Variants in CES5A observed in about 807,000 individuals in gnomAD.
The protein encoded by CES5A is carboxylesterase 5.
In CES5A, 67 loss-of-function variants were observed where a neutral mutation model predicts 62.9. The ratio of observed to expected loss-of-function variants is 1.07; its 90% CI spans 0.88 to 1.31. CES5A has a LOEUF of 1.31. Ranked by LOEUF, CES5A falls within the 50% of genes most tolerant of loss-of-function variation. The pLI, the probability that CES5A is intolerant of heterozygous loss-of-function variation, is 0.00. For synonymous variants in CES5A, 296 were observed against 280.8 expected (o/e 1.05, Z -0.54); for missense variants, 748 against 708.5 (o/e 1.06, Z -0.63).
At chr16:55,900,429 G>C (rs1236884151) in intron 1 of CES5A, among the ~76,000 whole-genome samples, 4 of 152,188 alleles carry the variant, frequency 2.6e-5, no homozygotes, top group African/African-American at 4.8e-5. Context: ...GAAAGACAAG[G>C]CTTTCCTCTC....
intron 2 of CES5A, among the ~76,000 whole-genome samples, chr16:55,938,270 T>G (rs2142475783): frequency 6.6e-6 from 1 of 152,282 alleles, no homozygotes; most frequent in East Asian, 1.9e-4. Flanking sequence ...GATGCAGACT[T>G]GCAAACATGC....
chr16:55,916,295 T>C (rs2034148351), intron 1 of CES5A, among the ~76,000 whole-genome samples: 1 of 152,152 alleles, frequency 6.6e-6, no homozygotes, highest in Non-Finnish European at 1.5e-5. Context: ...CTGGTAATGG[T>C]TTATGTCTAC....
intron 1 of CES5A, among the ~76,000 whole-genome samples, chr16:55,896,832 T>C (rs1405701327): frequency 6.6e-6 from 1 of 152,220 alleles, no homozygotes; most frequent in Non-Finnish European, 1.5e-5. Flanking sequence ...ACAAAACTGC[T>C]TTAGAAAAGT....
upstream of CES5A, chr16:55,875,427 G>T: frequency 1.6e-6 from 2 of 1,249,610 alleles, no homozygotes; most frequent in Non-Finnish European, 2.1e-6. Flanking sequence ...TACATAAGAA[G>T]CTGATGATTA....
intron 1 of CES5A, among the ~76,000 whole-genome samples, chr16:55,886,073 A>G (rs1225505428): frequency 6.6e-6 from 1 of 152,144 alleles, no homozygotes; most frequent in Non-Finnish European, 1.5e-5. Flanking sequence ...GAAGAGGCAA[A>G]CAGGCCTGGT....
intron 4 of CES5A, among the ~76,000 whole-genome samples, chr16:55,867,123 G>A (rs778410492): frequency 6.6e-6 from 1 of 152,092 alleles, no homozygotes; most frequent in South Asian, 2.1e-4. Context: ...CCCCAACCCC[G>A]TGCTCCCTCT....
intron 2 of CES5A, among the ~76,000 whole-genome samples, chr16:55,946,120 C>G (rs1403486283): frequency 6.6e-6 from 1 of 152,162 alleles, no homozygotes; most frequent in Non-Finnish European, 1.5e-5. Flanking sequence ...ATCTTTTCAT[C>G]GGGTTAGAAA....
At chr16:55,873,562 G>GTT (rs1366408828) in intron 2 of CES5A, among the ~76,000 whole-genome samples, 2 of 152,194 alleles carry the variant, frequency 1.3e-5, no homozygotes. Context: ...TCAGATAATA[G>GTT]TTTCCTGGGC....
chr16:55,869,703 T>C lies in CES5A; in HGVS notation c.459A>G (p.Ser153=). The change falls in exon 4 of 13, where the codon TCA becomes TCG. Residue 153 remains serine, a synonymous_variant. Coordinates refer to ENST00000290567, the MANE Select transcript of CES5A (RefSeq NM_001143685.2). ...WFPGGAFKTG[S]ASIFDGSALA... ...GGGCGGACCCATCAAAGATGGAGGC[T>C]GAGCCAGTCTTGAAGGCACCTCCTG... 2 of 1,610,148 alleles carry C rather than the reference T, an allele frequency of 1.2e-6. No individual in the cohort carries two copies. Among genetic ancestry groups the C allele is most frequent in the East Asian group, 4.5e-5 (2 of 44,788 alleles).
upstream of CES5A, among the ~76,000 whole-genome samples, chr16:55,926,393 G>T (rs554072842): frequency 2.2e-3 from 337 of 152,296 alleles, no homozygotes; most frequent in African/African-American, 7.7e-3. Flanking sequence ...ATCAGCAGAA[G>T]CTGCATCAAG....
chr16:55,865,475 T>C (rs1342691461), intron 5 of CES5A, among the ~76,000 whole-genome samples: 4 of 152,208 alleles, frequency 2.6e-5, no homozygotes, highest in Non-Finnish European at 5.9e-5. Context: ...GGACAGTGAA[T>C]TTTGCAGGTG....
At chr16:55,882,082 G>A (rs183456919) in intron 1 of CES5A, among the ~76,000 whole-genome samples, 10 of 152,050 alleles carry the variant, frequency 6.6e-5, no homozygotes, top group East Asian at 3.9e-4. Flanking sequence ...AGTTTATGTC[G>A]GCCATAACAA....
chr16:55,901,357 G>A (rs1344074282), intron 1 of CES5A, among the ~76,000 whole-genome samples: 1 of 152,100 alleles, frequency 6.6e-6, no homozygotes, highest in Non-Finnish European at 1.5e-5. Flanking sequence ...TTAGCAGTGT[G>A]AAAACAGACT....
rs140815883 is a variant in CES5A at position 55,941,453 on chromosome 16, A to T, written c.160+8332T>A. ...TGAAAACTATAAGAAATGCTTATGAAAGAGGTTAAAGAAGACCTCAATAAA... is the reference window on the plus strand; with the variant it reads ...TGAAAACTATAAGAAATGCTTATGATAGAGGTTAAAGAAGACCTCAATAAA... On this transcript the variant is annotated intron_variant, in intron 2 of 13. Coordinates refer to the CES5A transcript ENST00000521992. Among the ~76,000 whole-genome samples, 115 of 152,222 alleles carry T rather than the reference A, an allele frequency of 7.6e-4. No individual in the cohort carries two copies. The East Asian group carries it at 0.02, about 27-fold the overall frequency.
intron 6 of CES5A, among the ~76,000 whole-genome samples, chr16:55,863,009 TG>T (rs2033384267): frequency 1.3e-5 from 2 of 152,242 alleles, no homozygotes; most frequent in South Asian, 4.1e-4. Flanking sequence ...CATAATGCCC[TG>T]GGTATTCATT....
chr16:55,866,240 G>C (rs866031263), intron 4 of CES5A, 124 bp from the exon 5 acceptor site: 49 of 792,554 alleles, frequency 6.2e-5, no homozygotes, highest in Middle Eastern at 3.8e-4. Context: ...TCAGAGGCCT[G>C]GAGGAGCTGG....
chr16:55,914,088 AATTACAAT>A (rs2034121279), intron 1 of CES5A, among the ~76,000 whole-genome samples: 1 of 152,180 alleles, frequency 6.6e-6, no homozygotes, highest in Non-Finnish European at 1.5e-5. Context: ...ATTTCTAGTA[AATTACAAT>A]ATTTAAAAAT....
rs772340551 is a variant in CES5A, at chr16:55,875,154, G to A, written c.68C>T (p.Thr23Ile). 3.1e-6 allele frequency: 5 copies of A among 1,613,870 alleles called. No homozygotes were observed. The highest frequency in any genetic ancestry group is 4.2e-6 in the Non-Finnish European group (5 of 1,179,914). ...TTTCCCATTGGATATCTCACCTTTG[G>A]TGGGGGCTGCAAGGACCCAGATAGC... The part of the protein sequence containing the change: ...IWAIWVLAAP[T>I]KGPSAEGPQR... The change falls in exon 1 of 13, where the codon ACC becomes ATC. Residue 23 changes from threonine (T) to isoleucine (I), a missense_variant. By Grantham distance (89) the Thr-to-Ile change is moderately conservative. Transcript: ENST00000290567.
In CES5A at chr16:55,849,552, T is replaced by G. The variant is rs111450971; in HGVS notation, c.1423+72A>C. The G allele has an allele frequency of 8.4e-3, 12,973 of 1,550,450 alleles. 541 individuals carry two copies. In the African/African-American group the frequency reaches 0.11, roughly 13 times the overall value. On this transcript the variant is annotated intron_variant, in intron 11 of 12. Transcript: ENST00000290567. Reference sequence around the variant, plus strand: ...TAATTAAATGCCAACCCCGAAGTCCTCCAGGCGCTTGCATCGTGGTGGGGT... The same window carrying G: ...TAATTAAATGCCAACCCCGAAGTCCGCCAGGCGCTTGCATCGTGGTGGGGT...
Sources: allele counts gnomAD v4.1 joint callset (sites outside exome capture counted in the v4.1 genomes callset), GRCh38; gene constraint gnomAD v4.1.1; transcripts MANE v1.5; gene names NCBI Gene and HGNC (gene_info 2026-07-23, HGNC 2026-07-21).